Variants in LAMA2 observed in about 807,000 individuals in gnomAD.
LAMA2 encodes laminin subunit alpha 2.
In LAMA2, 269 loss-of-function variants were observed where a neutral mutation model predicts 364.8. The ratio of observed to expected loss-of-function variants is 0.74; its 90% CI spans 0.67 to 0.82. The LOEUF is 0.82. LAMA2 is among the 40% of genes least tolerant of loss of function. The pLI is 0.00. For synonymous variants in LAMA2, 1,379 were observed against 1,370.6 expected (o/e 1.01, Z -0.14); for missense variants, 3,807 against 3,873.2 (o/e 0.98, Z 0.45).
At chr6:129,028,530 A>T (rs1785996365) in intron 1 of LAMA2, among the ~76,000 whole-genome samples, 1 of 151,884 alleles carries the variant, frequency 6.6e-6, no homozygotes, top group African/African-American at 2.4e-5. Context: ...AAGACAAAAT[A>T]TATATCTCAT....
chr6:129,481,184 G>T, intron 54 of LAMA2, 79 bp from the exon 55 acceptor site: 1 of 1,072,314 alleles, frequency 9.3e-7, no homozygotes, highest in Non-Finnish European at 1.5e-6. Context: ...TAATTGCATC[G>T]AGGAGGGTGA....
chr6:128,933,190 G>T (rs947950639), intron 1 of LAMA2, among the ~76,000 whole-genome samples: 2 of 150,916 alleles, frequency 1.3e-5, no homozygotes, highest in South Asian at 2.1e-4. Context: ...CTCTTTTATG[G>T]CTGAATAATA....
intron 29 of LAMA2, among the ~76,000 whole-genome samples, chr6:129,329,207 A>G (rs1161736315): frequency 6.6e-6 from 1 of 152,162 alleles, no homozygotes; most frequent in Non-Finnish European, 1.5e-5. Context: ...AAACCATTCT[A>G]CTGAGCCTTG....
intron 27 of LAMA2, among the ~76,000 whole-genome samples, chr6:129,319,680 T>G (rs1774833119): frequency 6.6e-6 from 1 of 152,160 alleles, no homozygotes; most frequent in African/African-American, 2.4e-5. Flanking sequence ...CAGTCAGAAA[T>G]CCACATATAA....
rs987536830 is a variant in LAMA2, at chr6:129,212,385, G to A, written c.1782+19532G>A. On this transcript the variant is annotated intron_variant, in intron 12 of 64. Transcript: ENST00000421865. ...GTTCTTGTGGTTCCTCCATGCTAGG[G>A]GCAGGAGGTAGGATGGAGCAGATAG... 4.6e-5 allele frequency among the ~76,000 whole-genome samples: 7 copies of A among 152,252 alleles called. No homozygotes were observed. In the South Asian group the frequency reaches 8.3e-4, roughly 18 times the overall value.
At chr6:129,247,462 A>C (rs1325796445) in intron 12 of LAMA2, among the ~76,000 whole-genome samples, 3 of 152,186 alleles carry the variant, frequency 2.0e-5, no homozygotes, top group African/African-American at 7.2e-5. Flanking sequence ...AAAAATAAAG[A>C]AAGACAGAAT....
At chr6:129,226,241 A>C (rs1363767022) in intron 12 of LAMA2, among the ~76,000 whole-genome samples, 1 of 151,976 alleles carries the variant, frequency 6.6e-6, no homozygotes, top group East Asian at 1.9e-4. Context: ...TGCACATGAG[A>C]TGGGTCTCTT....
chr6:129,513,022 T>C (rs1786725646), intron 63 of LAMA2, among the ~76,000 whole-genome samples: 1 of 152,188 alleles, frequency 6.6e-6, no homozygotes, highest in African/African-American at 2.4e-5. Context: ...TTGATAATAA[T>C]TGATAATCAA....
rs748257607 is a variant in LAMA2 at position 129,316,090 on chromosome 6, G to A, written c.3977G>A (p.Arg1326Gln). 3.7e-5 allele frequency: 60 copies of A among 1,610,200 alleles called. No individual in the cohort carries two copies. The highest frequency in any genetic ancestry group is 3.1e-4 in the East Asian group (14 of 44,874). Residue 1326 changes from arginine to glutamine, a missense_variant, in exon 27 of 65, where the codon CGA becomes CAA. Arg to Gln is a conservative substitution (Grantham distance 43). Transcript: ENST00000421865. ...DDPRVHRTVT[R>Q]EDFLDILYDI... ...CCTCGAGTCCATAGAACTGTGACCC[G>A]AGAAGACTTCTTGGATATACTATAT...
chr6:129,274,714 C>G (rs1469591823), intron 17 of LAMA2, among the ~76,000 whole-genome samples: 11 of 151,942 alleles, frequency 7.2e-5, no homozygotes, highest in Non-Finnish European at 1.2e-4. Flanking sequence ...GCTTGGCCTT[C>G]TCATCTTGTT....
chr6:129,320,690 G>A (rs757379523), intron 28 of LAMA2, 35 bp downstream of exon 28: 7 of 1,115,698 alleles, frequency 6.3e-6, no homozygotes, highest in Non-Finnish European at 9.7e-6. Flanking sequence ...TTAATCTCAA[G>A]TCACTTCAGG....
At chr6:129,377,398 A>C (rs533247002) in intron 34 of LAMA2, among the ~76,000 whole-genome samples, 2 of 152,002 alleles carry the variant, frequency 1.3e-5, no homozygotes, top group Non-Finnish European at 2.9e-5. Context: ...AAAGATATAT[A>C]TATAATATAA....
chr6:128,975,458 G>A (rs542400210), intron 1 of LAMA2, among the ~76,000 whole-genome samples: 87 of 152,198 alleles, frequency 5.7e-4, no homozygotes, highest in African/African-American at 2.0e-3. Flanking sequence ...ACCTATTTCA[G>A]GAACTGAAAG....
At chr6:129,326,359 G>A (rs1775282511) in intron 28 of LAMA2, among the ~76,000 whole-genome samples, 1 of 152,098 alleles carries the variant, frequency 6.6e-6, no homozygotes, top group Non-Finnish European at 1.5e-5. Flanking sequence ...CTGCCTGTCG[G>A]GGAAAACCAC....
chr6:129,264,829 G>A (rs1269170684), intron 15 of LAMA2, among the ~76,000 whole-genome samples: 3 of 152,118 alleles, frequency 2.0e-5, no homozygotes, highest in African/African-American at 7.2e-5. Context: ...TGGTGACAAG[G>A]ACAAGAGCAG....
At chr6:129,225,740 T>A (rs1342175097) in intron 12 of LAMA2, among the ~76,000 whole-genome samples, 2 of 152,106 alleles carry the variant, frequency 1.3e-5, no homozygotes, top group Admixed American at 6.5e-5. Context: ...TGCTGAGGAG[T>A]GCTTTACTTC....
chr6:129,015,724 G>A (rs1266147449), intron 1 of LAMA2, among the ~76,000 whole-genome samples: 1 of 152,046 alleles, frequency 6.6e-6, no homozygotes, highest in Non-Finnish European at 1.5e-5. Flanking sequence ...AATTGGAAAT[G>A]ATGCACATAA....
At chr6:129,142,474 C>T (rs1010733440) in intron 4 of LAMA2, among the ~76,000 whole-genome samples, 1 of 151,984 alleles carries the variant, frequency 6.6e-6, no homozygotes, top group Admixed American at 6.6e-5. Flanking sequence ...CTACCAAACG[C>T]CTTGCCCCCA....
intron 14 of LAMA2, among the ~76,000 whole-genome samples, chr6:129,258,191 G>C (rs533126852): frequency 6.6e-6 from 1 of 152,110 alleles, no homozygotes; most frequent in African/African-American, 2.4e-5. Context: ...ACTGGCTTTA[G>C]TAACTCTTCA....
Sources: gnomAD v4.1 joint callset for allele counts (sites outside exome capture counted in the v4.1 genomes callset) on GRCh38, gnomAD v4.1.1 for gene constraint, MANE v1.5 for transcripts, NCBI Gene and HGNC (gene_info 2026-07-23, HGNC 2026-07-21) for gene names.